CCDC144A: variants seen among roughly 807,000 people sequenced by gnomAD.
The protein encoded by CCDC144A is coiled-coil domain-containing protein 144A.
Under a neutral mutation model 143.8 loss-of-function variants are expected in CCDC144A, and 41 were observed. The ratio of observed to expected loss-of-function variants is 0.29; its 90% confidence interval spans 0.22 to 0.37. CCDC144A has a LOEUF of 0.37. Among genes scored for constraint, CCDC144A ranks in the 10% least tolerant of loss-of-function variants. The pLI is 1.00. For synonymous variants in CCDC144A, 242 were observed against 517.9 expected, an observed-to-expected ratio of 0.47 and a Z score of 7.23; for missense variants, 637 against 1,488.8, an observed-to-expected ratio of 0.43 and a Z score of 9.41.
intron 6 of CCDC144A, among the ~76,000 whole-genome samples, chr17:16,712,364 G>A (rs963695420): frequency 8.6e-5 from 13 of 152,024 alleles, no homozygotes; most frequent in African/African-American, 2.7e-4. Context: ...AGAAAAAGGC[G>A]TTTTCATACA....
At chr17:16,701,024 A>C (rs1398192371) in intron 2 of CCDC144A, among the ~76,000 whole-genome samples, 2 of 152,188 alleles carry the variant, frequency 1.3e-5, no homozygotes, top group African/African-American at 2.4e-5. Context: ...CTAAGTATAC[A>C]ATTAAAATTA....
rs565608750 is a variant in CCDC144A at position 16,751,458 on chromosome 17, G to A, written c.3373-9967G>A. 2.1e-3 allele frequency among the ~76,000 whole-genome samples: 317 copies of A among 152,304 alleles called. 2 individuals are homozygous for A. The highest frequency in any genetic ancestry group is 7.4e-3 in the African/African-American group (307 of 41,566). ...TGGCATGCCTCTTTTCTATTTCAGCGTGTTGGCAGCAGTGCTCTGGGGAAG... is the reference window on the plus strand; with the variant it reads ...TGGCATGCCTCTTTTCTATTTCAGCATGTTGGCAGCAGTGCTCTGGGGAAG... On this transcript the variant is annotated intron_variant, in intron 12 of 16. Transcript: ENST00000399273.
chr17:16,719,888 G>A (rs954897802), intron 6 of CCDC144A, among the ~76,000 whole-genome samples: 7 of 152,202 alleles, frequency 4.6e-5, no homozygotes, highest in East Asian at 1.9e-4. Flanking sequence ...TTTTTATCAC[G>A]TAATGCAGGT....
Position 16,777,174 on chromosome 17 carries a change from A to G in CCDC144A, c.*3541A>G, listed in dbSNP as rs1916028339. ...ACAGGAAAATATCACAGTCCTAAAT[A>G]TATATGCACCTAATACTGGAGATCC... On this transcript the variant is annotated 3_prime_UTR_variant, in exon 17 of 17. Coordinates refer to ENST00000399273, the MANE Select transcript of CCDC144A (RefSeq NM_001382000.1). The G allele has an allele frequency of 7.3e-6, 1 of 137,750 alleles. No individual in the cohort carries two copies. The highest frequency in any genetic ancestry group is 1.5e-5 in the Non-Finnish European group (1 of 65,070). 8.5% of individuals were successfully genotyped at this position (137,750 alleles called of 1,614,324 possible).
the CCDC144A span, among the ~76,000 whole-genome samples, chr17:16,678,509 A>G: frequency 7.2e-5 from 11 of 152,044 alleles, no homozygotes; most frequent in Admixed American, 7.2e-4. Context: ...ATACCCTGGC[A>G]TGCAGACCTC....
At chr17:16,702,553 C>T (rs1217991498) in intron 2 of CCDC144A, among the ~76,000 whole-genome samples, 2 of 151,840 alleles carry the variant, frequency 1.3e-5, no homozygotes, top group African/African-American at 4.8e-5. Context: ...CCACATAACA[C>T]AGCACAGCAC....
chr17:16,745,736 A>C, intron 12 of CCDC144A: 9 of 1,614,066 alleles, frequency 5.6e-6, no homozygotes, highest in Non-Finnish European at 7.6e-6. Flanking sequence ...CTCCTGGATC[A>C]TACAGCTGCA....
intron 16 of CCDC144A, among the ~76,000 whole-genome samples, 199 bp downstream of exon 16, chr17:16,772,218 A>G (rs1278765138): frequency 6.6e-6 from 1 of 152,070 alleles, no homozygotes; most frequent in African/African-American, 2.4e-5. Context: ...ATCACGTTCC[A>G]TAGCTTGAAA....
intron 2 of CCDC144A, among the ~76,000 whole-genome samples, chr17:16,703,381 A>C (rs1014884226): frequency 2.0e-5 from 3 of 152,066 alleles, no homozygotes; most frequent in Admixed American, 6.6e-5. Context: ...TGGATCTCAA[A>C]GTCTCTTCAT....
At chr17:16,749,869 T>G (rs1172870077) in intron 12 of CCDC144A, among the ~76,000 whole-genome samples, 1 of 152,224 alleles carries the variant, frequency 6.6e-6, no homozygotes, top group Non-Finnish European at 1.5e-5. Context: ...TTTTGGCTGT[T>G]GTTGGTTTAA....
intron 12 of CCDC144A, among the ~76,000 whole-genome samples, chr17:16,754,926 C>G (rs949015832): frequency 2.6e-5 from 4 of 152,156 alleles, no homozygotes; most frequent in Non-Finnish European, 5.9e-5. Flanking sequence ...GTATATATAC[C>G]TTTATGACTG....
At chr17:16,767,441 A>G (rs1175848702) in intron 15 of CCDC144A, 2 of 150,186 alleles carry the variant, frequency 1.3e-5, no homozygotes, top group Non-Finnish European at 3.0e-5. Context: ...TATTTCCTAT[A>G]GGAAAACATC....
At chr17:16,670,399 T>C in the CCDC144A span, among the ~76,000 whole-genome samples, 1 of 146,416 alleles carries the variant, frequency 6.8e-6, no homozygotes, top group East Asian at 2.2e-4. Flanking sequence ...GTCATTCTCC[T>C]GCCTCAGCCT....
chr17:16,739,722 GT>G (rs1914177038), intron 12 of CCDC144A, among the ~76,000 whole-genome samples: 5 of 152,110 alleles, frequency 3.3e-5, no homozygotes, highest in Non-Finnish European at 7.4e-5. Flanking sequence ...CCATAAAAAT[GT>G]GTGTTTGTTT....
At chr17:16,678,587 T>TTC in the CCDC144A span, among the ~76,000 whole-genome samples, 9 of 140,620 alleles carry the variant, frequency 6.4e-5, 1 homozygote, top group African/African-American at 7.9e-5. Flanking sequence ...TTTCTTTTCT[T>TTC]TTTTTTTTTT....
Position 16,709,350 on chromosome 17 carries a change from G to A in CCDC144A, c.1293G>A (p.Arg431=). The change falls in exon 5 of 17, where the codon AGG becomes AGA. Residue 431 remains arginine (R), a synonymous_variant. Coordinates refer to ENST00000399273, the MANE Select transcript of CCDC144A (RefSeq NM_001382000.1). Reference sequence around the variant, plus strand: ...ATGATGCAAGCACTAAGAAAGCAAGGAACCCAGAAGTGGTTATGGTTGAAA... The same window carrying A: ...ATGATGCAAGCACTAAGAAAGCAAGAAACCCAGAAGTGGTTATGGTTGAAA... ...FHNDASTKKA[R]NPEVVMVEMK... 1 of 1,611,634 alleles carries A rather than the reference G, an allele frequency of 6.2e-7. No individual in the cohort carries two copies. The highest frequency in any genetic ancestry group is 8.5e-7 in the Non-Finnish European group (1 of 1,179,638).
chr17:16,676,522 A>C, the CCDC144A span, among the ~76,000 whole-genome samples: 1 of 151,838 alleles, frequency 6.6e-6, no homozygotes, highest in African/African-American at 2.4e-5. Flanking sequence ...AAAAAAAAAA[A>C]AAAACACAAA....
chr17:16,724,143 T>C (rs62073716), intron 8 of CCDC144A, among the ~76,000 whole-genome samples: 2,833 of 152,226 alleles, frequency 0.019, 36 homozygotes, highest in Non-Finnish European at 0.027. Context: ...TATTTGAATA[T>C]TTTGATGAGA....
chr17:16,678,141 T>C, the CCDC144A span, among the ~76,000 whole-genome samples: 1 of 152,100 alleles, frequency 6.6e-6, no homozygotes, highest in Non-Finnish European at 1.5e-5. Flanking sequence ...ATTCATAATT[T>C]ATCCCCAAAG....
Sources: allele counts gnomAD v4.1 joint callset (sites outside exome capture counted in the v4.1 genomes callset), GRCh38; gene constraint gnomAD v4.1.1; transcripts MANE v1.5; gene names NCBI Gene and HGNC (gene_info 2026-07-23, HGNC 2026-07-21).